Variants in ADAMTS19 observed in about 807,000 individuals in gnomAD.
The protein encoded by ADAMTS19 is A disintegrin and metalloproteinase with thrombospondin motifs 19.
A neutral mutation model predicts 153.3 loss-of-function variants in ADAMTS19; 93 were observed. That is an observed-to-expected ratio of 0.61 (90% CI 0.51 to 0.72). The LOEUF is 0.72. ADAMTS19 is among the 30% of genes least tolerant of loss of function. The pLI is 0.00. For missense variants in ADAMTS19, 1,482 were observed against 1,552.1 expected (o/e 0.95, Z 0.76); for synonymous variants, 600 against 556.6 (o/e 1.08, Z -1.10).
rs550533968 is a variant in ADAMTS19 at position 129,642,038 on chromosome 5, C to T, written c.1872+78C>T. ...AATCTTGCATTTTCTCTGCCAGTTA[C>T]ATTTGTATTCATCTTAGCACTGATG... On this transcript the variant is annotated intron_variant, in intron 11 of 22. Transcript: ENST00000274487. 7.4e-5 allele frequency: 57 copies of T among 765,488 alleles called. No individual in the cohort carries two copies. In the South Asian group the frequency reaches 1.1e-3, roughly 14 times the overall value. The allele number at this position is 765,488 out of a possible 1,614,324, so 47.4% of individuals were successfully genotyped here.
intron 13 of ADAMTS19, 107 bp downstream of exon 13, chr5:129,649,077 G>GAACTTT: frequency 8.7e-7 from 1 of 1,150,514 alleles, no homozygotes; most frequent in Non-Finnish European, 1.2e-6. Context: ...AAATATTTCT[G>GAACTTT]AACTTTAATT....
chr5:129,631,304 A>G (rs949682956), intron 10 of ADAMTS19, among the ~76,000 whole-genome samples: 1 of 148,714 alleles, frequency 6.7e-6, no homozygotes, highest in Non-Finnish European at 1.5e-5. Flanking sequence ...TGAATGTTCT[A>G]TATGCATTTG....
intron 8 of ADAMTS19, among the ~76,000 whole-genome samples, chr5:129,603,166 G>T (rs1750742417): frequency 6.6e-6 from 1 of 152,188 alleles, no homozygotes; most frequent in African/African-American, 2.4e-5. Context: ...ATGGCAGCGA[G>T]TGCACAGATC....
At chr5:129,684,659 C>A (rs1375193066) in intron 18 of ADAMTS19, among the ~76,000 whole-genome samples, 1 of 152,160 alleles carries the variant, frequency 6.6e-6, no homozygotes, top group Admixed American at 6.5e-5. Context: ...CCAAAGTACA[C>A]CTGCCCACAA....
chr5:129,523,551 T>C, intron 3 of ADAMTS19, among the ~76,000 whole-genome samples: 1 of 152,154 alleles, frequency 6.6e-6, no homozygotes, highest in East Asian at 1.9e-4. Flanking sequence ...AACTTGATTG[T>C]ACACATGAAT....
intron 16 of ADAMTS19, among the ~76,000 whole-genome samples, chr5:129,676,490 G>A (rs1364858654): frequency 6.6e-6 from 1 of 152,020 alleles, no homozygotes. Flanking sequence ...TGTCCTCTGT[G>A]TGGGTTCTAC....
rs565825624 is a variant in ADAMTS19 at position 129,632,469 on chromosome 5, A to C, written c.1771-9390A>C. Among the ~76,000 whole-genome samples, 9 of 152,110 alleles carry C rather than the reference A, an allele frequency of 5.9e-5. No individual in the cohort carries two copies. In the South Asian group the frequency reaches 1.9e-3, roughly 32 times the overall value. On this transcript the variant is annotated intron_variant, in intron 10 of 22. Coordinates refer to ENST00000274487, the MANE Select transcript of ADAMTS19 (RefSeq NM_133638.6). The stretch of plus-strand genomic sequence containing the variant: ...TTTTAAGGATTAAGAATGTAAAAAT[A>C]GTCTTTTACTTTTAGCTTGATATTT...
intron 6 of ADAMTS19, among the ~76,000 whole-genome samples, chr5:129,539,126 C>G (rs1475700725): frequency 1.3e-5 from 2 of 152,040 alleles, no homozygotes; most frequent in African/African-American, 4.8e-5. Flanking sequence ...TCCCTCCTCC[C>G]CAAATATTCA....
chr5:129,725,806 T>C (rs1206589667), intron 21 of ADAMTS19, among the ~76,000 whole-genome samples: 2 of 152,080 alleles, frequency 1.3e-5, no homozygotes, highest in Non-Finnish European at 2.9e-5. Context: ...ACTTCTAGAA[T>C]GCTCTTGGCT....
intron 2 of ADAMTS19, among the ~76,000 whole-genome samples, chr5:129,479,336 C>T (rs1192220859): frequency 2.0e-5 from 3 of 152,130 alleles, no homozygotes; most frequent in Non-Finnish European, 4.4e-5. Flanking sequence ...GTAATGTAAT[C>T]TATCTTCTCT....
rs564898683 is a variant in ADAMTS19, at chr5:129,461,341, C to T, written c.331C>T (p.Pro111Ser). 9 of 1,332,942 alleles carry T rather than the reference C, an allele frequency of 6.8e-6. No homozygotes were observed. The highest frequency in any genetic ancestry group is 4.2e-5 in the Admixed American group (1 of 24,060). The allele number at this position is 1,332,942 out of a possible 1,614,324, so 82.6% of individuals were successfully genotyped here. A position where few individuals can be genotyped will look rare whatever the true frequency, so the allele number is the denominator to read the frequency against. Reference protein sequence around the residue: ...VEGRSESRLRPPPPSEGEEDE... With the variant: ...VEGRSESRLRSPPPSEGEEDE... ...GGGCCGATCAGAGTCCCGGCTCCGG[C>T]CCCCGCCGCCGTCGGAGGGTGAGGA... The change falls in exon 2 of 23, where the codon CCC becomes TCC. Residue 111 changes from proline to serine, a missense_variant. Around this residue, in one of 2 missense-constraint regions of ADAMTS19, gnomAD observed 866 missense variants for 827.7 expected, o/e 1.05. Transcript: ENST00000274487. This position sits in a 1 kb window ranked among gnomAD's most constrained non-coding sequence, Gnocchi z 4.6.
At chr5:129,610,322 G>A (rs1477218142) in intron 8 of ADAMTS19, among the ~76,000 whole-genome samples, 1 of 151,864 alleles carries the variant, frequency 6.6e-6, no homozygotes, top group Non-Finnish European at 1.5e-5. Context: ...TAAGTTCTAG[G>A]GTACATGTGC....
At chr5:129,691,394 A>G (rs188755355) in intron 18 of ADAMTS19, among the ~76,000 whole-genome samples, 23 of 152,340 alleles carry the variant, frequency 1.5e-4, no homozygotes, top group South Asian at 4.1e-4. Context: ...TAATTCAGGC[A>G]GAAGGTCAGT....
At chr5:129,588,061 T>C (rs977637318) in intron 7 of ADAMTS19, among the ~76,000 whole-genome samples, 2 of 152,192 alleles carry the variant, frequency 1.3e-5, no homozygotes, top group African/African-American at 4.8e-5. Context: ...TCATAGTTGT[T>C]CCCAACAGGA....
chr5:129,465,386 T>TG (rs1300954993), intron 2 of ADAMTS19, among the ~76,000 whole-genome samples: 1 of 151,634 alleles, frequency 6.6e-6, no homozygotes, highest in African/African-American at 2.4e-5. Flanking sequence ...CTGGCCTATT[T>TG]TTTTTTTAAT....
intron 14 of ADAMTS19, among the ~76,000 whole-genome samples, chr5:129,656,829 T>G (rs1171218913): frequency 6.6e-6 from 1 of 152,244 alleles, no homozygotes; most frequent in Non-Finnish European, 1.5e-5. Flanking sequence ...ACTAAGAAAC[T>G]ACTAACTACC....
rs1365591945 is a variant in ADAMTS19 at position 129,620,720 on chromosome 5, G to A, written c.1581G>A (p.Trp527Ter). Reference protein sequence around the residue: ...IKGQNLGDVSWSRCSKEDLER... With the variant: ...IKGQNLGDVS ...GACAGAATCTTGGTGACGTTTCATG[G>A]TCTCGATGTAGCAAGGAAGATTTGG... The change falls in exon 9 of 23, where the codon TGG becomes TGA. Residue 527 changes from tryptophan to a stop codon, truncating the protein, a stop_gained. Transcript: ENST00000274487. LOFTEE classifies it high-confidence loss of function. 2 of 1,612,978 alleles carry A rather than the reference G, an allele frequency of 1.2e-6. No individual in the cohort carries two copies. The highest frequency in any genetic ancestry group is 1.7e-5 in the Admixed American group (1 of 59,896).
At position 129,539,229 on chromosome 5, in the gene ADAMTS19, C is replaced by G. The variant is rs143272364; in HGVS notation, c.1328+10552C>G. Among the ~76,000 whole-genome samples the G allele has an allele frequency of 8.0e-4, 121 of 152,108 alleles. 1 individual carries two copies. Among genetic ancestry groups the G allele is most frequent in the Admixed American group, 1.6e-3 (25 of 15,224 alleles). ...AGGATCTTGAGATGGGCAGATTATC[C>G]TGGCATATTTGAGTGGTTCAGTGTA... On this transcript the variant is annotated intron_variant, in intron 6 of 22. Coordinates refer to ENST00000274487, the MANE Select transcript of ADAMTS19 (RefSeq NM_133638.6).
chr5:129,725,403 T>A (rs1484531270), intron 21 of ADAMTS19, among the ~76,000 whole-genome samples: 8 of 152,032 alleles, frequency 5.3e-5, no homozygotes, highest in Admixed American at 5.3e-4. Flanking sequence ...CGCAGTGTGT[T>A]TACTGGAGTT....
Sources: gnomAD v4.1 joint callset for allele counts (sites outside exome capture counted in the v4.1 genomes callset) on GRCh38, gnomAD v4.1.1 for gene constraint, gnomAD v4.1.1 regional missense constraint, Gnocchi (gnomAD v3.1) non-coding constraint, MANE v1.5 for transcripts, NCBI Gene and HGNC (gene_info 2026-07-23, HGNC 2026-07-21) for gene names.